Variants in SLC22A8 observed in about 807,000 individuals in gnomAD.
The protein encoded by SLC22A8 is organic anion transporter 3.
In SLC22A8, 40 loss-of-function variants were observed where a neutral mutation model predicts 48.4. That is an observed-to-expected ratio of 0.83 (90% CI 0.64 to 1.08). The LOEUF is 1.08. SLC22A8 is among the 50% of genes least tolerant of loss of function. The pLI is 0.00. For synonymous variants in SLC22A8, 268 were observed against 286.3 expected (o/e 0.94, Z 0.65); for missense variants, 606 against 699.0 (o/e 0.87, Z 1.50).
chr11:63,004,173 A>G (rs939846724), intron 2 of SLC22A8, among the ~76,000 whole-genome samples: 1 of 152,186 alleles, frequency 6.6e-6, no homozygotes, highest in Admixed American at 6.5e-5. Context: ...GGTTTCTACC[A>G]TGATACTTGT....
chr11:63,002,288 T>A (rs1397326635), intron 2 of SLC22A8, among the ~76,000 whole-genome samples: 2 of 152,194 alleles, frequency 1.3e-5, no homozygotes, highest in Non-Finnish European at 2.9e-5. Flanking sequence ...ATGAAAACAA[T>A]GTGGTGTTTT....
chr11:63,015,607 A>G lies in SLC22A8; in HGVS notation c.-26+122T>C, dbSNP rs532083672. On this transcript the variant is annotated intron_variant, in intron 1 of 10. Coordinates refer to ENST00000336232, the MANE Select transcript of SLC22A8 (RefSeq NM_004254.4). Reference sequence around the variant, plus strand: ...GGCCCACCATGCTGGAGTATCTGTAAGAGCCCGAAGCAGGTCTCAGAGGGC... The same window carrying G: ...GGCCCACCATGCTGGAGTATCTGTAGGAGCCCGAAGCAGGTCTCAGAGGGC... The G allele has an allele frequency of 2.6e-5, 4 of 152,486 alleles. No homozygotes were observed. The East Asian group carries it at 7.7e-4, about 29-fold the overall frequency. 9.4% of individuals were successfully genotyped at this position (152,486 alleles called of 1,614,324 possible).
At chr11:63,006,595 G>GTT (rs58058368) in intron 2 of SLC22A8, among the ~76,000 whole-genome samples, 591 of 51,394 alleles carry the variant, frequency 0.011, 142 homozygotes, top group African/African-American at 0.029. Flanking sequence ...TCTCATTTGA[G>GTT]TTTTTTTTTT....
At chr11:63,000,935 C>A in intron 2 of SLC22A8, 112 bp from the exon 3 acceptor site, 1 of 769,668 alleles carries the variant, frequency 1.3e-6, no homozygotes, top group Non-Finnish European at 2.2e-6. Flanking sequence ...CCTGACTTTG[C>A]CCCTACCTCC....
intron 4 of SLC22A8, 106 bp downstream of exon 4, chr11:62,999,582 C>T (rs571844645): frequency 1.1e-5 from 11 of 979,242 alleles, no homozygotes; most frequent in East Asian, 2.7e-5. Context: ...GGCACCTTGA[C>T]CAAGGTCACA....
intron 2 of SLC22A8, among the ~76,000 whole-genome samples, chr11:63,014,192 C>T (rs142169149): frequency 2.4e-4 from 36 of 152,282 alleles, no homozygotes; most frequent in African/African-American, 8.7e-4. Flanking sequence ...AGGGAGGATT[C>T]CTTCAACACC....
chr11:62,995,633 A>T, intron 7 of SLC22A8, 71 bp downstream of exon 7: 2 of 1,102,414 alleles, frequency 1.8e-6, no homozygotes, highest in Non-Finnish European at 1.4e-6. Flanking sequence ...CCTTGCCCTT[A>T]AGTGAGCCTA....
chr11:63,000,120 C>A (rs1164059170), intron 3 of SLC22A8, among the ~76,000 whole-genome samples: 1 of 152,232 alleles, frequency 6.6e-6, no homozygotes, highest in African/African-American at 2.4e-5. Context: ...CAGTCCATCT[C>A]CTCTGCCTCC....
At position 63,014,966 on chromosome 11, in the gene SLC22A8, G is replaced by C. The variant is rs757654200; in HGVS notation, c.-8C>G. On this transcript the variant is annotated 5_prime_UTR_variant, in exon 2 of 11. Transcript: ENST00000336232. ...GATCTCCGAGAAGGTCATGGCACTG[G>C]GGCAAGACGAGCCAGAGCTGTGGGC... 1 of 1,536,920 alleles carries C rather than the reference G, an allele frequency of 6.5e-7. No homozygotes were observed. The highest frequency in any genetic ancestry group is 1.4e-5 in the African/African-American group (1 of 72,828).
rs189439718 is a variant in SLC22A8, at chr11:62,995,423, G to C, written c.1001+281C>G. The C allele has an allele frequency of 6.9e-4, 341 of 494,050 alleles. 1 individual carries two copies. Among genetic ancestry groups the C allele is most frequent in the African/African-American group, 6.3e-3 (327 of 51,840 alleles). 30.6% of individuals were successfully genotyped at this position (494,050 alleles called of 1,614,324 possible). ...GAGGGAGAGCATGGGGACACTGAGC[G>C]GCAGGGATGTGAGCTGGGGAAGGGG... is the stretch of plus-strand genomic sequence containing the variant. On this transcript the variant is annotated intron_variant, in intron 7 of 10. Coordinates refer to ENST00000336232, the MANE Select transcript of SLC22A8 (RefSeq NM_004254.4).
At chr11:63,008,426 A>C (rs2187383) in intron 2 of SLC22A8, among the ~76,000 whole-genome samples, 98,529 of 152,048 alleles carry the variant, frequency 0.65, 32,204 homozygotes, top group East Asian at 0.77. Context: ...TGCTGGGGCA[A>C]AAGGACCAGA....
intron 2 of SLC22A8, among the ~76,000 whole-genome samples, chr11:63,009,440 C>T (rs930039431): frequency 3.9e-5 from 6 of 152,084 alleles, no homozygotes; most frequent in East Asian, 1.9e-4. Context: ...GGCCCAGAGA[C>T]GAAGCCCAGG....
intron 4 of SLC22A8, 83 bp from the exon 5 acceptor site, chr11:62,999,172 C>T (rs2086461096): frequency 1.6e-6 from 2 of 1,221,596 alleles, no homozygotes; most frequent in African/African-American, 1.5e-5. Flanking sequence ...CTTCTGCATC[C>T]CCACGGCTAC....
rs1325562303 is a variant in SLC22A8, at chr11:63,014,915, T to C, written c.44A>G (p.His15Arg). The change falls in exon 2 of 11, where the codon CAT (histidine) becomes CGT (arginine). Residue 15 changes from histidine to arginine, a missense_variant. Transcript: ENST00000336232. ...EILDRVGSMG[H>R]FQFLHVAILG... ...TATGGCTACATGCAGGAACTGGAAA[T>C]GGCCCATGCTTCCCACACGGTCCAG... The C allele has an allele frequency of 3.2e-6, 5 of 1,577,118 alleles. No individual in the cohort carries two copies. In the African/African-American group the frequency reaches 5.4e-5, roughly 17 times the overall value.
At position 62,993,248 on chromosome 11, in the gene SLC22A8, C is replaced by A. The variant is rs1555034060; in HGVS notation, c.1618G>T (p.Gly540Cys). 1 of 1,612,144 alleles carries A rather than the reference C, an allele frequency of 6.2e-7. No individual in the cohort carries two copies. Among genetic ancestry groups the A allele is most frequent in the African/African-American group, 1.3e-5 (1 of 74,980 alleles). ...GGGTTCCGTTGTCCTCAGCTGGAGC[C>A]CAGGCCTGGTCCGTGAGGCTGTAGA... ...IPLQPHGPGL[G>C]SS The change falls in exon 11 of 11, where the codon GGC becomes TGC. Residue 540 changes from glycine (G) to cysteine (C), a missense_variant. Physicochemically the swap from Gly to Cys is radical, Grantham distance 159 (BLOSUM62 -3). Coordinates refer to ENST00000336232, the MANE Select transcript of SLC22A8 (RefSeq NM_004254.4).
Position 62,993,788 on chromosome 11 carries a change from A to G in SLC22A8, c.1307T>C (p.Leu436Ser), listed in dbSNP as rs776304407. The change falls in exon 9 of 11, where the codon TTA becomes TCA. Residue 436 changes from leucine (L) to serine (S), a missense_variant. Leu to Ser is a moderately radical substitution (Grantham distance 145). Coordinates refer to ENST00000336232, the MANE Select transcript of SLC22A8 (RefSeq NM_004254.4). ...FSCLFLYTSE[L>S]YPTVIRQTGM... ...CACCTACCTGATGACTGTGGGGTATAATTCACTTGTGTAGAGGAAGAGGCA... is the reference window on the plus strand; with the variant it reads ...CACCTACCTGATGACTGTGGGGTATGATTCACTTGTGTAGAGGAAGAGGCA... 2.8e-5 allele frequency: 45 copies of G among 1,612,952 alleles called. No individual in the cohort carries two copies. Among genetic ancestry groups the G allele is most frequent in the Non-Finnish European group, 3.8e-5 (45 of 1,179,038 alleles).
chr11:63,014,684 A>T lies in SLC22A8; in HGVS notation c.275T>A (p.Met92Lys). 1.2e-6 allele frequency: 2 copies of T among 1,613,326 alleles called. No individual in the cohort carries two copies. Among genetic ancestry groups the T allele is most frequent in the Non-Finnish European group, 1.7e-6 (2 of 1,179,396 alleles). ...ASLPNDTQRA[M>K]EPCLDGWVYN... ...GACCCAGCCATCCAGGCATGGCTCC[A>T]TGGCCCTCTGGGTGTCATTGGGCAG... The change falls in exon 2 of 11, where the codon ATG becomes AAG. Residue 92 changes from methionine (M) to lysine (K), a missense_variant. Transcript: ENST00000336232.
In SLC22A8 at chr11:62,994,681, C is replaced by G; in HGVS notation, c.1077G>C (p.Gln359His). The change falls in exon 8 of 11, where the codon CAG becomes CAC. Residue 359 changes from glutamine (Q) to histidine (H), a missense_variant. Gln to His is a conservative substitution (Grantham distance 24). Coordinates refer to ENST00000336232, the MANE Select transcript of SLC22A8 (RefSeq NM_004254.4). ...EEFGVNLYILQIIFGGVDVPA... is the reference protein window; with the variant it reads ...EEFGVNLYILHIIFGGVDVPA... ...GGACATCGACCCCACCAAAGATGAT[C>G]TGGAGGATGTAGAGGTTGACTCCAA... 1 of 1,614,254 alleles carries G rather than the reference C, an allele frequency of 6.2e-7. No homozygotes were observed. The highest frequency in any genetic ancestry group is 1.3e-5 in the African/African-American group (1 of 75,074).
chr11:63,008,932 G>A (rs1203728498), intron 2 of SLC22A8, among the ~76,000 whole-genome samples: 2 of 152,110 alleles, frequency 1.3e-5, no homozygotes, highest in Non-Finnish European at 2.9e-5. Context: ...CCAGGTCCCT[G>A]CGTACAGTGG....
Sources: allele counts gnomAD v4.1 joint callset (sites outside exome capture counted in the v4.1 genomes callset), GRCh38; gene constraint gnomAD v4.1.1; transcripts MANE v1.5; gene names NCBI Gene and HGNC (gene_info 2026-07-23, HGNC 2026-07-21).